CDK14: variants seen among roughly 807,000 people sequenced by gnomAD.
CDK14 encodes the protein cyclin-dependent kinase 14.
In CDK14, 34 loss-of-function variants were observed where a neutral mutation model predicts 60.7. That is an observed-to-expected ratio of 0.56 (90% confidence interval 0.43 to 0.75). The LOEUF (loss-of-function observed/expected upper bound fraction) is 0.75. Among genes scored for constraint, CDK14 ranks in the 30% least tolerant of loss-of-function variants. The pLI, the probability that CDK14 is intolerant of heterozygous loss-of-function variation, is 0.00. For synonymous variants in CDK14, 197 were observed against 203.7 expected, an observed-to-expected ratio of 0.97 and a Z score of 0.28; for missense variants, 482 against 564.1, an observed-to-expected ratio of 0.85 and a Z score of 1.47.
chr7:91,136,557 A>G (rs1419371470), intron 14 of CDK14, among the ~76,000 whole-genome samples: 2 of 152,210 alleles, frequency 1.3e-5, no homozygotes, highest in Non-Finnish European at 2.9e-5. Context: ...AAAATGTGAT[A>G]TCTTAACACA....
In CDK14 at chr7:91,027,932, GCTCCCCTCCGCTCCA is replaced by G. The variant is rs1250167113; in HGVS notation, c.1042-17950_1042-17936del. Among the ~76,000 whole-genome samples, 261 of 49,884 alleles carry G rather than the reference GCTCCCCTCCGCTCCA, an allele frequency of 5.2e-3. 5 individuals carry two copies. Among genetic ancestry groups the G allele is most frequent in the African/African-American group, 0.023 (244 of 10,796 alleles). The allele number at this position is 49,884 out of a possible 152,430, so 32.7% of individuals were successfully genotyped here. ...CCTGCCCTCCCCTCCCCTCCCCTCC[GCTCCCCTCCGCTCCA>G]CTCCCCTCCGCTCCCTTCTCCCCTT... is the stretch of plus-strand genomic sequence containing the variant. On this transcript the variant is annotated intron_variant, in intron 10 of 14. Transcript: ENST00000380050.
chr7:90,971,610 G>A, intron 9 of CDK14, among the ~76,000 whole-genome samples: 1 of 145,600 alleles, frequency 6.9e-6, no homozygotes, highest in Non-Finnish European at 1.5e-5. Flanking sequence ...AAGTATTTAG[G>A]AATACTTAGG....
At chr7:91,097,254 A>G (rs929465973) in intron 12 of CDK14, among the ~76,000 whole-genome samples, 2 of 151,850 alleles carry the variant, frequency 1.3e-5, no homozygotes, top group African/African-American at 2.4e-5. Flanking sequence ...GGCGGCAGGC[A>G]CTTGTAATCC....
chr7:91,172,560 A>C (rs769111645), intron 14 of CDK14, among the ~76,000 whole-genome samples: 11 of 152,208 alleles, frequency 7.2e-5, no homozygotes, highest in Non-Finnish European at 1.0e-4. Context: ...GAAATGTTCC[A>C]GTGGGTCCCA....
At chr7:90,917,556 A>G in intron 7 of CDK14, 45 bp from the exon 8 acceptor site, 1 of 1,599,790 alleles carries the variant, frequency 6.3e-7, no homozygotes, top group Non-Finnish European at 8.5e-7. Flanking sequence ...AGAAACTGGC[A>G]TTTATCTGTG....
At chr7:90,827,195 G>A (rs1469737811) in intron 5 of CDK14, among the ~76,000 whole-genome samples, 1 of 152,032 alleles carries the variant, frequency 6.6e-6, no homozygotes, top group Admixed American at 6.6e-5. Flanking sequence ...ACAGTAGAAC[G>A]ATAGATTGTA....
chr7:90,958,594 A>G (rs1020680626), intron 9 of CDK14, among the ~76,000 whole-genome samples: 1 of 152,128 alleles, frequency 6.6e-6, no homozygotes, highest in Non-Finnish European at 1.5e-5. Context: ...AGATATTTAC[A>G]TAATTAGTGT....
intron 12 of CDK14, among the ~76,000 whole-genome samples, chr7:91,086,897 A>G (rs1798657701): frequency 6.6e-6 from 1 of 152,204 alleles, no homozygotes; most frequent in Admixed American, 6.5e-5. Context: ...AAAGATGAAT[A>G]TAAGAAGTCA....
At chr7:90,609,095 C>T (rs574286158) in intron 2 of CDK14, among the ~76,000 whole-genome samples, 18 of 152,100 alleles carry the variant, frequency 1.2e-4, no homozygotes, top group Non-Finnish European at 1.6e-4. Context: ...GGTGCCATCG[C>T]GGCTCACTGC....
At chr7:90,608,619 A>ATTCTT in intron 2 of CDK14, 3 of 776,158 alleles carry the variant, frequency 3.9e-6, no homozygotes, top group Non-Finnish European at 4.7e-6. Flanking sequence ...AACCTTTGAA[A>ATTCTT]TGCAAAGAAT....
At chr7:90,953,569 A>G (rs1794323169) in intron 8 of CDK14, among the ~76,000 whole-genome samples, 1 of 152,120 alleles carries the variant, frequency 6.6e-6, no homozygotes, top group African/African-American at 2.4e-5. Flanking sequence ...CTACTTCTAG[A>G]TTATTTTGAG....
intron 12 of CDK14, among the ~76,000 whole-genome samples, chr7:91,089,357 T>G (rs1186970471): frequency 2.0e-5 from 3 of 152,156 alleles, no homozygotes; most frequent in African/African-American, 7.2e-5. Flanking sequence ...GTCTGTCGGC[T>G]GAAGAGGTAA....
At chr7:90,606,735 G>A (rs13240859) in intron 2 of CDK14, among the ~76,000 whole-genome samples, 46,667 of 152,054 alleles carry the variant, frequency 0.31, 8,074 homozygotes, top group East Asian at 0.67. Context: ...TGTGTTGCTC[G>A]TAGTTAACTT....
intron 7 of CDK14, among the ~76,000 whole-genome samples, chr7:90,916,385 C>G (rs1793083576): frequency 6.6e-6 from 1 of 152,200 alleles, no homozygotes; most frequent in African/African-American, 2.4e-5. Context: ...ATAATCATCT[C>G]AAGCCTTTAC....
At chr7:91,143,788 C>A (rs2115634230) in intron 14 of CDK14, among the ~76,000 whole-genome samples, 1 of 152,002 alleles carries the variant, frequency 6.6e-6, no homozygotes, top group East Asian at 1.9e-4. Context: ...TCATGTTGAG[C>A]ACTTTACATG....
intron 14 of CDK14, among the ~76,000 whole-genome samples, chr7:91,143,212 G>GTT (rs1203237675): frequency 6.6e-6 from 1 of 152,182 alleles, no homozygotes. Context: ...TCCAGGATAT[G>GTT]TTTGAAGCTG....
chr7:91,062,691 T>C (rs1253143812), intron 11 of CDK14, among the ~76,000 whole-genome samples: 1 of 152,062 alleles, frequency 6.6e-6, no homozygotes, highest in African/African-American at 2.4e-5. Context: ...GTCCTCTCAC[T>C]AGGGAAGGTA....
chr7:91,093,329 A>G (rs746486286), intron 12 of CDK14, among the ~76,000 whole-genome samples: 4 of 152,178 alleles, frequency 2.6e-5, no homozygotes, highest in Non-Finnish European at 5.9e-5. Context: ...GGAAATCAAG[A>G]TGTATAAAAC....
intron 2 of CDK14, chr7:90,632,342 G>T: frequency 3.1e-6 from 1 of 325,034 alleles, no homozygotes; most frequent in South Asian, 2.9e-5. Flanking sequence ...TTTTGGTTGG[G>T]ATTTATTGCC....
Sources: gnomAD v4.1 joint callset for allele counts (sites outside exome capture counted in the v4.1 genomes callset) on GRCh38, gnomAD v4.1.1 for gene constraint, MANE v1.5 for transcripts, NCBI Gene and HGNC (gene_info 2026-07-23, HGNC 2026-07-21) for gene names.